The following DOCK8 variants were observed in gnomAD, a reference collection of about 807,000 sequenced individuals.
The protein encoded by DOCK8 is dedicator of cytokinesis 8.
Under a neutral mutation model 245.6 loss-of-function variants are expected in DOCK8, and 141 were observed. The observed-to-expected ratio is 0.57, with a 90% CI of 0.50 to 0.66. The LOEUF (loss-of-function observed/expected upper bound fraction) is 0.66. Ranked by LOEUF, DOCK8 falls within the 30% of genes least tolerant of loss-of-function variation. DOCK8 has a pLI of 0.00. For missense variants in DOCK8, 2,965 were observed against 2,603.4 expected (o/e 1.14, Z -3.02); for synonymous variants, 1,168 against 970.2 (o/e 1.20, Z -3.79).
chr9:449,408 C>G (rs2131863547), intron 44 of DOCK8, among the ~76,000 whole-genome samples: 1 of 152,024 alleles, frequency 6.6e-6, no homozygotes, highest in African/African-American at 2.4e-5. Context: ...TAGGAAAAGG[C>G]ACCTGACAGG....
Position 417,030 on chromosome 9 carries a change from C to T in DOCK8, c.3701-1038C>T, listed in dbSNP as rs1290992422. ...TGGGTTTTGGCTCGGTGTGGTGGCT[C>T]ACCCCTGTAATCCCAGCACTTTGGG... On this transcript the variant is annotated intron_variant, in intron 29 of 47. Transcript: ENST00000432829. Among the ~76,000 whole-genome samples, 5 of 152,162 alleles carry T rather than the reference C, an allele frequency of 3.3e-5. No individual in the cohort carries two copies. In the South Asian group the frequency reaches 8.3e-4, roughly 25 times the overall value.
chr9:400,995 C>CCACCACCACCACCTCCACCAT lies in DOCK8; in HGVS notation c.3234+1744_3234+1745insCCACCTCCACCATCACCACCA, dbSNP rs2055052725. Among the ~76,000 whole-genome samples the CCACCACCACCACCTCCACCAT allele has an allele frequency of 3.7e-5, 2 of 54,636 alleles. 1 individual carries two copies. The highest frequency in any genetic ancestry group is 4.5e-4 in the African/African-American group (2 of 4,454). 35.8% of individuals were successfully genotyped at this position (54,636 alleles called of 152,430 possible). A position where few individuals can be genotyped will look rare whatever the true frequency, so the allele number is the denominator to read the frequency against. ...TCCACCATCACCACCTCCTCCACCA[C>CCACCACCACCACCTCCACCAT]CACCACCATTAGCTCCACCATGACC... On this transcript the variant is annotated intron_variant, in intron 26 of 47. Coordinates refer to ENST00000432829, the MANE Select transcript of DOCK8 (RefSeq NM_203447.4).
chr9:429,197 C>T (rs999297277), intron 35 of DOCK8, among the ~76,000 whole-genome samples: 3 of 152,176 alleles, frequency 2.0e-5, no homozygotes, highest in African/African-American at 7.2e-5. Context: ...GAACTCCTGA[C>T]CTCAAGTGAT....
chr9:395,509 G>T (rs1036520660), intron 24 of DOCK8, among the ~76,000 whole-genome samples: 3 of 150,046 alleles, frequency 2.0e-5, no homozygotes, highest in African/African-American at 7.4e-5. Flanking sequence ...GGCAAATGTG[G>T]GTGGTTCAAC....
upstream of DOCK8, chr9:214,259 C>A (rs1021526118): frequency 6.1e-6 from 3 of 492,456 alleles, no homozygotes; most frequent in Non-Finnish European, 1.1e-5. Flanking sequence ...CCTTGAATCG[C>A]AAGAACGCCG....
intron 4 of DOCK8, among the ~76,000 whole-genome samples, chr9:296,888 C>CTTAA (rs2049281123): frequency 6.6e-6 from 1 of 152,184 alleles, no homozygotes; most frequent in African/African-American, 2.4e-5. Flanking sequence ...GCTCTGTTAA[C>CTTAA]ACACACCAGC....
chr9:247,629 G>C (rs895366187), intron 1 of DOCK8, among the ~76,000 whole-genome samples: 3 of 152,078 alleles, frequency 2.0e-5, no homozygotes, highest in Admixed American at 6.5e-5. Flanking sequence ...CGCCTCCCGG[G>C]TTCACGCCCT....
intron 33 of DOCK8, 130 bp downstream of exon 33, chr9:422,265 T>C (rs891252549): frequency 1.7e-5 from 14 of 819,152 alleles, no homozygotes; most frequent in Non-Finnish European, 2.9e-5. Context: ...TCTGTGTAAA[T>C]ACAATTCATC....
At chr9:312,648 C>G in intron 6 of DOCK8, 1 of 357,052 alleles carries the variant, frequency 2.8e-6, no homozygotes, top group South Asian at 2.2e-5. Context: ...TAATCACAGC[C>G]CATGCTCCCA....
At chr9:273,177 C>T (rs1450846098) in intron 2 of DOCK8, 13 of 876,868 alleles carry the variant, frequency 1.5e-5, no homozygotes, top group East Asian at 1.9e-4. Context: ...AATAGTAGTA[C>T]GAAAAACCTA....
Position 289,556 on chromosome 9 carries a change from C to A in DOCK8, c.379C>A (p.Arg127Ser), listed in dbSNP as rs185505140. Reference protein sequence around the residue: ...HVRDCVQTYIREWLIVNRKNQ... With the variant: ...HVRDCVQTYISEWLIVNRKNQ... ...CAGGGACTGTGTTCAGACCTACATC[C>A]GTGAGTGGCTAATCGTGAACCGGAA... Residue 127 changes from arginine to serine, a missense_variant, in exon 4 of 48, where the codon CGT becomes AGT. Transcript: ENST00000432829. 21 of 1,612,248 alleles carry A rather than the reference C, an allele frequency of 1.3e-5. 1 individual carries two copies. In the South Asian group the frequency reaches 2.3e-4, roughly 18 times the overall value.
At chr9:325,829 C>A in intron 8 of DOCK8, 92 bp downstream of exon 8, 1 of 1,222,536 alleles carries the variant, frequency 8.2e-7, no homozygotes, top group South Asian at 1.2e-5. Context: ...CAGCAAGAAC[C>A]TATCAGATTT....
chr9:326,201 C>G lies in DOCK8; in HGVS notation c.894+464C>G, dbSNP rs186580807. Among the ~76,000 whole-genome samples, 515 of 152,286 alleles carry G rather than the reference C, an allele frequency of 3.4e-3. 6 individuals carry two copies. Among genetic ancestry groups the G allele is most frequent in the African/African-American group, 0.012 (488 of 41,556 alleles). ...TTTTAATGAAAACAGTGACCAAGAC[C>G]TCTCGTGTGTTTTTAATGTTTAGTC... On this transcript the variant is annotated intron_variant, in intron 8 of 47. Coordinates refer to ENST00000432829, the MANE Select transcript of DOCK8 (RefSeq NM_203447.4).
At chr9:344,470 C>A (rs961643891) in intron 14 of DOCK8, among the ~76,000 whole-genome samples, 2 of 152,196 alleles carry the variant, frequency 1.3e-5, no homozygotes, top group Non-Finnish European at 2.9e-5. Flanking sequence ...TCCTGCACCT[C>A]CCCCCATTCA....
At position 276,087 on chromosome 9, in the gene DOCK8, C is replaced by A. The variant is rs192725561; in HGVS notation, c.156+4358C>A. Reference sequence around the variant, plus strand: ...TGTATTTTTAGTAAAGACGGGGTTTCGCCATGTTGGCCAGGCTGGTCTTGA... The same window carrying A: ...TGTATTTTTAGTAAAGACGGGGTTTAGCCATGTTGGCCAGGCTGGTCTTGA... On this transcript the variant is annotated intron_variant, in intron 2 of 47. Transcript: ENST00000432829. Among the ~76,000 whole-genome samples, 119 of 151,946 alleles carry A rather than the reference C, an allele frequency of 7.8e-4. 1 individual carries two copies. The highest frequency in any genetic ancestry group is 2.8e-3 in the African/African-American group (115 of 41,438).
rs116391182 is a variant in DOCK8, at chr9:432,636, G to A, written c.4785+312G>A. Among the ~76,000 whole-genome samples, 243 of 152,276 alleles carry A rather than the reference G, an allele frequency of 1.6e-3. 1 individual carries two copies. The highest frequency in any genetic ancestry group is 5.7e-3 in the African/African-American group (235 of 41,558). On this transcript the variant is annotated intron_variant, in intron 37 of 47. Transcript: ENST00000432829. ...AGGAGCTAAATGCTATGGAAGGTTA[G>A]AGGAAGAGAGGTCGTGATCAATAAA...
rs183278239 is a variant in DOCK8, at chr9:372,148, A to T, written c.2008-37A>T. On this transcript the variant is annotated intron_variant, in intron 17 of 47. Transcript: ENST00000432829. ...TAAATTATCAGAATTATATGCTGTA[A>T]TAAATACCACTTTATTATTTACATC... 43 of 1,562,746 alleles carry T rather than the reference A, an allele frequency of 2.8e-5. No homozygotes were observed. In the East Asian group the frequency reaches 9.6e-4, roughly 35 times the overall value.
rs753393674 is a variant in DOCK8 at position 441,271 on chromosome 9, TCTC to T, written c.5224-11_5224-9del. 6.8e-6 allele frequency: 11 copies of T among 1,614,022 alleles called. No individual in the cohort carries two copies. The highest frequency in any genetic ancestry group is 3.3e-5 in the Admixed American group (2 of 60,000). On this transcript the variant is annotated splice_polypyrimidine_tract_variant and intron_variant, in intron 40 of 47. Coordinates refer to ENST00000432829, the MANE Select transcript of DOCK8 (RefSeq NM_203447.4). ...TGGATTAAATTCTCTCTGATGCTCTTCTCCTCTTTCCAAGGGAGGCTTATATGA... is the reference window on the plus strand; with the variant it reads ...TGGATTAAATTCTCTCTGATGCTCTTCTCTTTCCAAGGGAGGCTTATATGA...
At chr9:419,241 C>T (rs544145312) in intron 30 of DOCK8, among the ~76,000 whole-genome samples, 1 of 152,348 alleles carries the variant, frequency 6.6e-6, no homozygotes. Flanking sequence ...GGATGACTTT[C>T]TTGTCTTCCT....
Sources: allele counts gnomAD v4.1 joint callset (sites outside exome capture counted in the v4.1 genomes callset), GRCh38; gene constraint gnomAD v4.1.1; transcripts MANE v1.5; gene names NCBI Gene and HGNC (gene_info 2026-07-23, HGNC 2026-07-21).